CD99L2: variants seen among roughly 807,000 people sequenced by gnomAD.
CD99L2 encodes the protein CD99 molecule like 2, also known as CD99 antigen-like protein 2.
CD99L2 carries 24 observed loss-of-function variants against 27.3 expected under a neutral mutation model. That is an observed-to-expected ratio of 0.88 (90% CI 0.64 to 1.24). The LOEUF is 1.24. CD99L2 is among the 50% of genes most tolerant of loss of function. The pLI is 0.00. For missense variants in CD99L2, 255 were observed against 221.6 expected (o/e 1.15, Z -0.96); for synonymous variants, 97 against 87.9 (o/e 1.10, Z -0.58).
chrX:150,793,632 T>C, intron 7 of CD99L2, 59 bp downstream of exon 7: 2 of 990,005 alleles, frequency 2.0e-6, no homozygotes, highest in Non-Finnish European at 2.7e-6. Context: ...ATCTGGTTGC[T>C]GCATAATCAC....
At chrX:150,881,910 C>T (rs184395657) in intron 1 of CD99L2, among the ~76,000 whole-genome samples, 278 of 108,567 alleles carry the variant, frequency 2.6e-3, no homozygotes, top group African/African-American at 8.8e-3. Flanking sequence ...CTCCGCCTCC[C>T]GGGTTCAAGC....
intron 2 of CD99L2, among the ~76,000 whole-genome samples, chrX:150,827,545 T>C (rs73609567): frequency 0.19 from 21,645 of 111,399 alleles, 1,606 homozygotes; most frequent in African/African-American, 0.26. Context: ...ACAAATTTAT[T>C]GAAAGTCTAT....
chrX:150,795,146 G>A (rs1468078323), intron 6 of CD99L2, 60 bp downstream of exon 6: 14 of 1,163,935 alleles, frequency 1.2e-5, no homozygotes, highest in Non-Finnish European at 1.6e-5. Context: ...GGCCCAAGCT[G>A]GCTCTGGCTC....
At chrX:150,821,801 G>A (rs1328354245) in intron 2 of CD99L2, among the ~76,000 whole-genome samples, 2 of 111,641 alleles carry the variant, frequency 1.8e-5, no homozygotes, top group Non-Finnish European at 3.8e-5. Flanking sequence ...TTAGGGAAAC[G>A]CAAATGAAAA....
rs189970848 is a variant in CD99L2, at chrX:150,862,775, C to T, written c.68-31482G>A. ...ACATCCCCTGCCCCAGAGAAATGGA[C>T]ACAGCAGTTGTCATCTATTTAAAAG... is the stretch of plus-strand genomic sequence containing the variant. On this transcript the variant is annotated intron_variant, in intron 1 of 10. Transcript: ENST00000370377. 1.6e-3 allele frequency among the ~76,000 whole-genome samples: 169 copies of T among 107,893 alleles called. 1 individual carries two copies. Among genetic ancestry groups the T allele is most frequent in the Non-Finnish European group, 2.8e-3 (147 of 52,355 alleles). 93.7% of individuals were successfully genotyped at this position (107,893 alleles called of 115,157 possible).
rs1341555804 is a variant in CD99L2 at position 150,886,261 on chromosome X, A to G, written c.67+12261T>C. Among the ~76,000 whole-genome samples, 5 of 112,507 alleles carry G rather than the reference A, an allele frequency of 4.4e-5. No individual in the cohort carries two copies. In the Admixed American group the frequency reaches 4.7e-4, roughly 11 times the overall value. On this transcript the variant is annotated intron_variant, in intron 1 of 10. Coordinates refer to ENST00000370377, the MANE Select transcript of CD99L2 (RefSeq NM_031462.4). Reference sequence around the variant, plus strand: ...AAAGAATATATAGTCATGTGGCCACATAGCAATATATTTCAGCCAAATGAT... The same window carrying G: ...AAAGAATATATAGTCATGTGGCCACGTAGCAATATATTTCAGCCAAATGAT...
intron 4 of CD99L2, among the ~76,000 whole-genome samples, chrX:150,813,864 G>C (rs782602426): frequency 5.4e-5 from 6 of 111,909 alleles, no homozygotes; most frequent in African/African-American, 1.9e-4. Context: ...TTTAATATCT[G>C]TTAGATGTTT....
In CD99L2 at chrX:150,769,685, C is replaced by G. The variant is rs182605076; in HGVS notation, c.722-584G>C. ...TGTCCTAGTCTCCCTGCCTGCGCCA[C>G]CAGGCCTCGGCTGCTCCCCGACCCC... On this transcript the variant is annotated intron_variant, in intron 10 of 10. Coordinates refer to ENST00000370377, the MANE Select transcript of CD99L2 (RefSeq NM_031462.4). Among the ~76,000 whole-genome samples, 534 of 86,019 alleles carry G rather than the reference C, an allele frequency of 6.2e-3. 1 individual carries two copies. Among genetic ancestry groups the G allele is most frequent in the African/African-American group, 0.04 (506 of 12,500 alleles). 74.7% of individuals were successfully genotyped at this position (86,019 alleles called of 115,157 possible).
intron 1 of CD99L2, among the ~76,000 whole-genome samples, chrX:150,881,620 T>C (rs1603316522): frequency 1.8e-5 from 2 of 112,021 alleles, no homozygotes; most frequent in South Asian, 3.7e-4. Flanking sequence ...CCAGGAATGG[T>C]GATCTCGCCA....
chrX:150,889,265 C>T (rs781860156), intron 1 of CD99L2, among the ~76,000 whole-genome samples: 1 of 112,748 alleles, frequency 8.9e-6, no homozygotes, highest in Admixed American at 9.3e-5. Context: ...CCTTCAGATC[C>T]ACTCTCTGTG....
intron 1 of CD99L2, among the ~76,000 whole-genome samples, chrX:150,850,513 C>T (rs1203040502): frequency 8.9e-6 from 1 of 112,442 alleles, no homozygotes; most frequent in Non-Finnish European, 1.9e-5. Flanking sequence ...CACCAGAGGG[C>T]TACCCATGTT....
chrX:150,831,320 T>G, intron 1 of CD99L2, 27 bp from the exon 2 acceptor site: 1 of 1,072,933 alleles, frequency 9.3e-7, no homozygotes, highest in Non-Finnish European at 1.3e-6. Context: ...AAAATTAAAC[T>G]ATCTTTGCAT....
chrX:150,889,918 C>CAT (rs1557422732), intron 1 of CD99L2, among the ~76,000 whole-genome samples: 2 of 110,613 alleles, frequency 1.8e-5, no homozygotes, highest in South Asian at 3.8e-4. Flanking sequence ...TTTGGGAGGC[C>CAT]GAGGCGGGCG....
At chrX:150,858,501 C>T (rs1245852489) in intron 1 of CD99L2, among the ~76,000 whole-genome samples, 1 of 112,508 alleles carries the variant, frequency 8.9e-6, no homozygotes, top group Non-Finnish European at 1.9e-5. Flanking sequence ...TATCAAATAT[C>T]TTCTCAGACC....
Position 150,766,792 on chromosome X carries a change from AAGG to A in CD99L2, c.*2239_*2241del, listed in dbSNP as rs1458073565. 8.9e-6 allele frequency: 1 copy of A among 111,758 alleles called. No homozygotes were observed. The highest frequency in any genetic ancestry group is 2.8e-4 in the East Asian group (1 of 3,533). The allele number at this position is 111,758 out of a possible 1,213,427, so 9.2% of individuals were successfully genotyped here. On this transcript the variant is annotated 3_prime_UTR_variant, in exon 11 of 11. Coordinates refer to ENST00000370377, the MANE Select transcript of CD99L2 (RefSeq NM_031462.4). ...CGAGCAAGTGTAAGATGTCTGTGGG[AAGG>A]AGAAGCTCCTGAAATGAACGTTCTG...
At chrX:150,876,332 G>C (rs1360243825) in intron 1 of CD99L2, among the ~76,000 whole-genome samples, 1 of 112,028 alleles carries the variant, frequency 8.9e-6, no homozygotes, top group Admixed American at 9.5e-5. Flanking sequence ...CTTCTAATAG[G>C]TGATTTGCTC....
chrX:150,870,643 T>C (rs1362665656), intron 1 of CD99L2, among the ~76,000 whole-genome samples: 1 of 110,782 alleles, frequency 9.0e-6, no homozygotes, highest in Non-Finnish European at 1.9e-5. Flanking sequence ...CCTCATCACA[T>C]ATTCCTCCCT....
At chrX:150,789,806 G>C (rs1557419670) in intron 7 of CD99L2, among the ~76,000 whole-genome samples, 1 of 112,029 alleles carries the variant, frequency 8.9e-6, no homozygotes, top group African/African-American at 3.2e-5. Context: ...GATTGCTTGA[G>C]CTCAGGAGGT....
chrX:150,860,548 A>G (rs1557421881), intron 1 of CD99L2, among the ~76,000 whole-genome samples: 1 of 112,187 alleles, frequency 8.9e-6, no homozygotes, highest in East Asian at 2.8e-4. Context: ...TGCAGATGAC[A>G]TATCTTACAT....
Sources: allele counts gnomAD v4.1 joint callset (sites outside exome capture counted in the v4.1 genomes callset), GRCh38; gene constraint gnomAD v4.1.1; transcripts MANE v1.5; gene names NCBI Gene and HGNC (gene_info 2026-07-23, HGNC 2026-07-21).